Variants in AGBL4 observed in about 807,000 individuals in gnomAD.
AGBL4 encodes AGBL carboxypeptidase 4, also known as cytosolic carboxypeptidase 6.
Under a neutral mutation model 66.4 loss-of-function variants are expected in AGBL4, and 58 were observed. The observed-to-expected ratio is 0.87, with a 90% CI of 0.71 to 1.09. The LOEUF is 1.09. Ranked by LOEUF, AGBL4 falls within the 50% of genes least tolerant of loss-of-function variation. The pLI, the probability that AGBL4 is intolerant of heterozygous loss-of-function variation, is 0.00. For synonymous variants in AGBL4, 234 were observed against 222.9 expected (o/e 1.05, Z -0.44); for missense variants, 579 against 631.0 (o/e 0.92, Z 0.88).
intron 5 of AGBL4, among the ~76,000 whole-genome samples, chr1:49,027,980 G>T (rs1663867457): frequency 6.6e-6 from 1 of 152,174 alleles, no homozygotes; most frequent in Non-Finnish European, 1.5e-5. Context: ...CAGTGGCATA[G>T]AGGTTCTGTT....
At chr1:49,778,849 C>A (rs532980793) in intron 2 of AGBL4, among the ~76,000 whole-genome samples, 21 of 152,258 alleles carry the variant, frequency 1.4e-4, no homozygotes, top group African/African-American at 4.6e-4. Context: ...AAAACTAACA[C>A]GTATAATATT....
chr1:48,876,646 C>T (rs1266704643), intron 5 of AGBL4, among the ~76,000 whole-genome samples: 1 of 152,152 alleles, frequency 6.6e-6, no homozygotes, highest in East Asian at 1.9e-4. Context: ...TAGGTGCTTA[C>T]ATATTGGTCT....
At chr1:48,866,320 C>T (rs962659827) in intron 6 of AGBL4, among the ~76,000 whole-genome samples, 1 of 152,134 alleles carries the variant, frequency 6.6e-6, no homozygotes, top group African/African-American at 2.4e-5. Flanking sequence ...AATTAGTCAT[C>T]CCCTGAGACC....
chr1:49,921,310 A>G (rs1010206083), intron 1 of AGBL4, among the ~76,000 whole-genome samples: 12 of 151,808 alleles, frequency 7.9e-5, no homozygotes, highest in African/African-American at 2.9e-4. Flanking sequence ...AGGGTCTTAG[A>G]AAAAAAATTG....
chr1:49,465,896 G>C (rs1320307871), intron 3 of AGBL4, among the ~76,000 whole-genome samples: 1 of 151,872 alleles, frequency 6.6e-6, no homozygotes, highest in African/African-American at 2.4e-5. Flanking sequence ...AAAGGTTGAA[G>C]AAGGCGTCTT....
intron 3 of AGBL4, among the ~76,000 whole-genome samples, chr1:49,688,992 G>A (rs1646836782): frequency 6.6e-6 from 1 of 152,058 alleles, no homozygotes; most frequent in South Asian, 2.1e-4. Context: ...GGTGGGTAGA[G>A]TTTGCAAATA....
At chr1:49,163,605 C>T (rs1411813629) in intron 4 of AGBL4, among the ~76,000 whole-genome samples, 1 of 152,084 alleles carries the variant, frequency 6.6e-6, no homozygotes, top group Non-Finnish European at 1.5e-5. Context: ...GCTGCAGCAA[C>T]AAAACAGGTA....
At chr1:49,019,155 T>C (rs2149018609) in intron 5 of AGBL4, among the ~76,000 whole-genome samples, 1 of 152,192 alleles carries the variant, frequency 6.6e-6, no homozygotes, top group South Asian at 2.1e-4. Flanking sequence ...AAAGAGTGTC[T>C]GTAGAGCCTG....
chr1:48,830,600 A>T (rs1646529140), intron 6 of AGBL4, among the ~76,000 whole-genome samples: 1 of 152,224 alleles, frequency 6.6e-6, no homozygotes. Context: ...GCTCAATTAG[A>T]TACTGGCAGA....
intron 9 of AGBL4, 114 bp from the exon 10 acceptor site, chr1:48,591,099 CACACA>C (rs1644912811): frequency 2.8e-6 from 2 of 706,212 alleles, no homozygotes; most frequent in African/African-American, 2.2e-5. Context: ...CACCCCCCCC[CACACA>C]CACACACACA....
chr1:48,575,346 T>A (rs902750223), intron 11 of AGBL4, among the ~76,000 whole-genome samples: 2 of 152,126 alleles, frequency 1.3e-5, no homozygotes, highest in African/African-American at 4.8e-5. Context: ...CAGGAACACA[T>A]CCTTTTAAAG....
At chr1:49,291,195 C>A (rs1570357584) in intron 3 of AGBL4, among the ~76,000 whole-genome samples, 1 of 152,164 alleles carries the variant, frequency 6.6e-6, no homozygotes, top group African/African-American at 2.4e-5. Flanking sequence ...ATAATTTAAA[C>A]CTTCTCTCAA....
At chr1:48,588,202 G>T (rs538674972) in intron 10 of AGBL4, among the ~76,000 whole-genome samples, 2 of 152,170 alleles carry the variant, frequency 1.3e-5, no homozygotes, top group African/African-American at 4.8e-5. Flanking sequence ...GACAACCAAA[G>T]AATCTACTTC....
intron 4 of AGBL4, among the ~76,000 whole-genome samples, chr1:49,081,798 T>C (rs1644813492): frequency 6.6e-6 from 1 of 152,212 alleles, no homozygotes; most frequent in South Asian, 2.1e-4. Context: ...AAAGAAACCA[T>C]TCCCAATTCT....
chr1:49,016,588 C>G (rs553247241), intron 5 of AGBL4, among the ~76,000 whole-genome samples: 1 of 152,276 alleles, frequency 6.6e-6, no homozygotes, highest in Admixed American at 6.5e-5. Context: ...GATTCAGGAG[C>G]AAGAGGCCAA....
At chr1:48,608,367 C>A (rs1430735382) in intron 9 of AGBL4, among the ~76,000 whole-genome samples, 2 of 152,162 alleles carry the variant, frequency 1.3e-5, no homozygotes, top group East Asian at 3.8e-4. Context: ...GAGACGTGTT[C>A]TTTTCACAAC....
intron 11 of AGBL4, among the ~76,000 whole-genome samples, chr1:48,572,860 A>G (rs1057004903): frequency 3.9e-5 from 6 of 152,206 alleles, no homozygotes; most frequent in Non-Finnish European, 5.9e-5. Context: ...AACCTCAGGC[A>G]ACTGCAACAA....
chr1:48,650,155 C>T (rs1337594361), intron 8 of AGBL4, among the ~76,000 whole-genome samples: 2 of 152,202 alleles, frequency 1.3e-5, no homozygotes, highest in Non-Finnish European at 2.9e-5. Context: ...GTCTGGCAGG[C>T]TTGGTGCTGG....
Position 48,648,539 on chromosome 1 carries a change from A to G in AGBL4, c.839+4798T>C, listed in dbSNP as rs141294243. On this transcript the variant is annotated intron_variant, in intron 8 of 13. Coordinates refer to ENST00000371839, the MANE Select transcript of AGBL4 (RefSeq NM_032785.4). ...ATAAGAATGCTCAGGAGAGTAGTGA[A>G]AATTAGACCCTCAGTTCTCCACTTC... is the stretch of plus-strand genomic sequence containing the variant. Among the ~76,000 whole-genome samples, 345 of 152,298 alleles carry G rather than the reference A, an allele frequency of 2.3e-3. 1 individual carries two copies. Among genetic ancestry groups the G allele is most frequent in the African/African-American group, 7.4e-3 (307 of 41,556 alleles).
Sources: allele counts gnomAD v4.1 joint callset (sites outside exome capture counted in the v4.1 genomes callset), GRCh38; gene constraint gnomAD v4.1.1; transcripts MANE v1.5; gene names NCBI Gene and HGNC (gene_info 2026-07-23, HGNC 2026-07-21).